Variants in AKR1E2 observed in about 807,000 individuals in gnomAD.
The protein encoded by AKR1E2 is aldo-keto reductase family 1 member E2, also known as 1,5-anhydro-D-fructose reductase.
In AKR1E2, 43 loss-of-function variants were observed where a neutral mutation model predicts 41.9. The ratio of observed to expected loss-of-function variants is 1.03; its 90% CI spans 0.80 to 1.32. The LOEUF (loss-of-function observed/expected upper bound fraction) is 1.32. Ranked by LOEUF, AKR1E2 falls within the 40% of genes most tolerant of loss-of-function variation. The probability of loss-of-function intolerance (pLI) is 0.00; values close to 1 mark genes in which losing one functional copy is unlikely to be tolerated. For synonymous variants in AKR1E2, 121 were observed against 138.9 expected (o/e 0.87, Z 0.91); for missense variants, 423 against 396.5 (o/e 1.07, Z -0.57).
At chr10:4,866,967 A>C in the AKR1E2 span, among the ~76,000 whole-genome samples, 1 of 152,162 alleles carries the variant, frequency 6.6e-6, no homozygotes, top group African/African-American at 2.4e-5. Context: ...GGAGGGTCAG[A>C]ATCTTGTAGC....
At chr10:4,862,048 G>A in the AKR1E2 span, among the ~76,000 whole-genome samples, 2 of 152,098 alleles carry the variant, frequency 1.3e-5, no homozygotes, top group Admixed American at 6.6e-5. Context: ...TTCTTCTAGG[G>A]TTTTTATGGT....
chr10:4,845,839 G>A (rs1200998186), intron 8 of AKR1E2: 1 of 470,922 alleles, frequency 2.1e-6, no homozygotes, highest in Admixed American at 2.3e-5. Context: ...AGGCTGACGT[G>A]AGACCTGAGG....
intron 2 of AKR1E2, among the ~76,000 whole-genome samples, chr10:4,831,155 A>C (rs545681798): frequency 6.6e-6 from 1 of 152,320 alleles, no homozygotes; most frequent in South Asian, 2.1e-4. Flanking sequence ...GTCTGTTTAC[A>C]CAGCGATTCC....
At chr10:4,838,150 A>G (rs892636327) in intron 5 of AKR1E2, among the ~76,000 whole-genome samples, 2 of 152,250 alleles carry the variant, frequency 1.3e-5, no homozygotes, top group South Asian at 4.1e-4. Context: ...GGAACTGTAT[A>G]AATTCTCATA....
chr10:4,854,241 A>ATG, the AKR1E2 span, among the ~76,000 whole-genome samples: 1 of 151,906 alleles, frequency 6.6e-6, no homozygotes, highest in South Asian at 2.1e-4. Flanking sequence ...CTACAGGTGC[A>ATG]TGCCACCACA....
chr10:4,857,368 A>G, the AKR1E2 span, among the ~76,000 whole-genome samples: 1 of 151,300 alleles, frequency 6.6e-6, no homozygotes, highest in Non-Finnish European at 1.5e-5. Context: ...ATGAGTTCTC[A>G]TAAGATCTAG....
At chr10:4,832,414 G>A (rs754257204) in intron 2 of AKR1E2, among the ~76,000 whole-genome samples, 2 of 152,192 alleles carry the variant, frequency 1.3e-5, no homozygotes, top group Non-Finnish European at 2.9e-5. Context: ...TGTGTGCTTG[G>A]CCAAGCGGGG....
chr10:4,845,485 GGGCTGCC>G (rs1207163750), intron 8 of AKR1E2, among the ~76,000 whole-genome samples: 13 of 31,362 alleles, frequency 4.1e-4, no homozygotes, highest in African/African-American at 7.5e-4. Flanking sequence ...CCCTCAATGG[GGGCTGCC>G]AGCATGCTGT....
chr10:4,860,527 T>A, the AKR1E2 span, among the ~76,000 whole-genome samples: 2,481 of 152,296 alleles, frequency 0.016, 70 homozygotes, highest in African/African-American at 0.057. Context: ...GGCTGCCAAC[T>A]TTTTTGATTG....
chr10:4,845,699 G>A (rs763789066), intron 8 of AKR1E2: 50 of 470,398 alleles, frequency 1.1e-4, no homozygotes, highest in Non-Finnish European at 2.2e-4. Context: ...CTCAATGCCC[G>A]GGATCCCCAT....
chr10:4,861,804 G>C, the AKR1E2 span, among the ~76,000 whole-genome samples: 1 of 151,952 alleles, frequency 6.6e-6, no homozygotes, highest in Admixed American at 6.6e-5. Flanking sequence ...AAATTTGTTG[G>C]AGTTCTTTGT....
intron 4 of AKR1E2, among the ~76,000 whole-genome samples, chr10:4,836,665 C>T (rs762917979): frequency 6.6e-6 from 1 of 152,230 alleles, no homozygotes; most frequent in Non-Finnish European, 1.5e-5. Context: ...CAAAGACTGA[C>T]CTAAGGTATC....
At chr10:4,853,114 A>AATT in the AKR1E2 span, among the ~76,000 whole-genome samples, 11 of 152,250 alleles carry the variant, frequency 7.2e-5, no homozygotes, top group Non-Finnish European at 1.3e-4. Flanking sequence ...AGCCCCTAAA[A>AATT]ACTATTGTAG....
In AKR1E2 at chr10:4,828,661, AC is replaced by A. The variant is rs552005709; in HGVS notation, c.40-2012del. The stretch of plus-strand genomic sequence containing the variant: ...GTAGACCAGCTTGGAGATAATTGAC[AC>A]CTTTGTAATGTTAAATCTTAACTTT... On this transcript the variant is annotated intron_variant, in intron 1 of 9. Coordinates refer to ENST00000298375, the MANE Select transcript of AKR1E2 (RefSeq NM_001040177.3). 3.5e-3 allele frequency among the ~76,000 whole-genome samples: 537 copies of A among 152,262 alleles called. 3 individuals carry two copies. Among genetic ancestry groups the A allele is most frequent in the Non-Finnish European group, 5.8e-3 (393 of 68,024 alleles).
intron 1 of AKR1E2, among the ~76,000 whole-genome samples, chr10:4,826,902 CCT>C (rs1832567129): frequency 6.6e-6 from 1 of 151,800 alleles, no homozygotes; most frequent in Admixed American, 6.6e-5. Context: ...ATGGCGAAAC[CCT>C]GTTTCTACAA....
Position 4,846,002 on chromosome 10 carries a change from C to T in AKR1E2, c.838-1146C>T, listed in dbSNP as rs180795058. On this transcript the variant is annotated intron_variant, in intron 8 of 9. Coordinates refer to ENST00000298375, the MANE Select transcript of AKR1E2 (RefSeq NM_001040177.3). The stretch of plus-strand genomic sequence containing the variant: ...AGGCATCCAGTGCAGGGGGCTGCCC[C>T]GGCCCGCCCCCTGTGGCCCCAGTGC... 913 of 392,870 alleles carry T rather than the reference C, an allele frequency of 2.3e-3. 8 individuals carry two copies. Among genetic ancestry groups the T allele is most frequent in the African/African-American group, 0.018 (857 of 48,580 alleles). 24.3% of individuals were successfully genotyped at this position (392,870 alleles called of 1,614,324 possible). A position where few individuals can be genotyped will look rare whatever the true frequency, so the allele number is the denominator to read the frequency against.
chr10:4,861,661 G>A, the AKR1E2 span, among the ~76,000 whole-genome samples: 182 of 152,170 alleles, frequency 1.2e-3, 1 homozygote, highest in South Asian at 3.5e-3. Context: ...GAACCACCGC[G>A]CCTGGCCAAT....
In AKR1E2 at chr10:4,842,418, C is replaced by G. The variant is rs377060185; in HGVS notation, c.754-3C>G. On this transcript the variant is annotated splice_region_variant and splice_polypyrimidine_tract_variant and intron_variant, in intron 7 of 9. Transcript: ENST00000298375. ...TGATAGTAGACTTTTTGTTTCCTTGCAGATTTTGATCCGATTTCAAATCCA... is the reference window on the plus strand; with the variant it reads ...TGATAGTAGACTTTTTGTTTCCTTGGAGATTTTGATCCGATTTCAAATCCA... The G allele has an allele frequency of 1.9e-5, 31 of 1,613,562 alleles. No individual in the cohort carries two copies. The highest frequency in any genetic ancestry group is 2.5e-5 in the Non-Finnish European group (30 of 1,179,704).
Position 4,830,721 on chromosome 10 carries a change from C to T in AKR1E2, c.86C>T (p.Ala29Val), listed in dbSNP as rs774912211. 6.2e-7 allele frequency: 1 copy of T among 1,614,138 alleles called. No homozygotes were observed. Among genetic ancestry groups the T allele is most frequent in the Non-Finnish European group, 8.5e-7 (1 of 1,180,018 alleles). Residue 29 changes from alanine (A) to valine (V), a missense_variant, in exon 2 of 10, where the codon GCA (alanine) becomes GTA (valine). Physicochemically the swap from Ala to Val is moderately conservative, Grantham distance 64. Coordinates refer to ENST00000298375, the MANE Select transcript of AKR1E2 (RefSeq NM_001040177.3). ...GAGGCAGTGAAAGAGGCCATTGACG[C>T]AGGGTACCGGCACTTCGACTGTGCT... Reference protein sequence around the residue: ...VTEAVKEAIDAGYRHFDCAYF... With the variant: ...VTEAVKEAIDVGYRHFDCAYF...
Sources: gnomAD v4.1 joint callset for allele counts (sites outside exome capture counted in the v4.1 genomes callset) on GRCh38, gnomAD v4.1.1 for gene constraint, MANE v1.5 for transcripts, NCBI Gene and HGNC (gene_info 2026-07-23, HGNC 2026-07-21) for gene names.